The following RPAP1 variants were observed in gnomAD, a reference collection of about 807,000 sequenced individuals.
RPAP1 encodes RNA polymerase II associated protein 1, also known as RNA polymerase II-associated protein 1.
In RPAP1, 109 loss-of-function variants were observed where a neutral mutation model predicts 142.4. The ratio of observed to expected loss-of-function variants is 0.77; its 90% CI spans 0.66 to 0.90. The LOEUF is 0.90. Among genes scored for constraint, RPAP1 ranks in the 40% least tolerant of loss-of-function variants. The pLI is 0.00. For missense variants in RPAP1, 1,546 were observed against 1,751.7 expected, an observed-to-expected ratio of 0.88 and a Z score of 2.10; for synonymous variants, 704 against 738.9, an observed-to-expected ratio of 0.95 and a Z score of 0.77.
At chr15:41,524,864 A>C (rs2051773135) in intron 15 of RPAP1, 127 bp downstream of exon 15, 1 of 944,124 alleles carries the variant, frequency 1.1e-6, no homozygotes, top group African/African-American at 1.7e-5. Context: ...CATCTGGCAG[A>C]AGCCCTCCCA....
At chr15:41,529,265 G>T (rs776692553) in intron 9 of RPAP1, among the ~76,000 whole-genome samples, 2 of 152,184 alleles carry the variant, frequency 1.3e-5, no homozygotes, top group Admixed American at 6.5e-5. Context: ...AACCCAGGAG[G>T]TGGAGGCTGC....
chr15:41,521,897 AG>A lies in RPAP1; in HGVS notation c.2896-18del. The A allele has an allele frequency of 6.2e-7, 1 of 1,613,172 alleles. No individual in the cohort carries two copies. The highest frequency in any genetic ancestry group is 8.5e-7 in the Non-Finnish European group (1 of 1,179,516). On this transcript the variant is annotated intron_variant, in intron 20 of 24. Transcript: ENST00000304330. Reference sequence around the variant, plus strand: ...CAGCGCTGCCTGCAGACAGAAAAGCAGGGAACTACCTAGTACAGGAGAAGGG... The same window carrying A: ...CAGCGCTGCCTGCAGACAGAAAAGCAGGAACTACCTAGTACAGGAGAAGGG...
At chr15:41,534,682 C>T in intron 6 of RPAP1, 32 bp downstream of exon 6, 1 of 1,563,238 alleles carries the variant, frequency 6.4e-7, no homozygotes, top group Non-Finnish European at 8.8e-7. Context: ...CTCTCCTAGC[C>T]TGGTCTCAGC....
At position 41,520,695 on chromosome 15, in the gene RPAP1, A is replaced by G; in HGVS notation, c.3491T>C (p.Leu1164Pro). ...CTCCCGGAACAGCTCACTGTCCACC[A>G]GGAACACACACATGAGCCGTGCCAG... ...ARLARLMCVF[L>P]VDSELFRESP... is the part of the protein sequence containing the mutation. Residue 1164 changes from leucine to proline, a missense_variant, in exon 22 of 25, where the codon CTG becomes CCG. By Grantham distance (98) the Leu-to-Pro change is moderately conservative. This residue lies in a region of RPAP1 where 1,333 missense variants were observed against 1,486.6 expected (regional missense o/e 0.90). Transcript: ENST00000304330. The G allele has an allele frequency of 6.2e-7, 1 of 1,614,146 alleles. No individual in the cohort carries two copies. The highest frequency in any genetic ancestry group is 8.5e-7 in the Non-Finnish European group (1 of 1,180,042).
At chr15:41,540,043 T>A (rs1054225974) in intron 1 of RPAP1, among the ~76,000 whole-genome samples, 10 of 151,744 alleles carry the variant, frequency 6.6e-5, no homozygotes, top group African/African-American at 2.4e-4. Flanking sequence ...AAAAAAATAA[T>A]AATAATAAAA....
intron 10 of RPAP1, 74 bp downstream of exon 10, chr15:41,528,161 G>C: frequency 6.6e-7 from 1 of 1,508,922 alleles, no homozygotes; most frequent in Non-Finnish European, 9.1e-7. Context: ...GAGTGAAAAG[G>C]GCAGGAGATG....
chr15:41,532,214 G>A (rs28477443), intron 6 of RPAP1, among the ~76,000 whole-genome samples: 46,658 of 151,882 alleles, frequency 0.31, 7,774 homozygotes, highest in Admixed American at 0.39. Flanking sequence ...TAGAGACAGG[G>A]TTTCACCGTG....
intron 18 of RPAP1, 103 bp from the exon 19 acceptor site, chr15:41,523,063 T>C: frequency 9.5e-7 from 1 of 1,048,258 alleles, no homozygotes; most frequent in Non-Finnish European, 1.3e-6. Flanking sequence ...GGCCTGGCTG[T>C]GGAGGTCAGT....
Position 41,527,466 on chromosome 15 carries a change from T to G in RPAP1, c.1568A>C (p.Glu523Ala), listed in dbSNP as rs745455889. 4 of 1,613,170 alleles carry G rather than the reference T, an allele frequency of 2.5e-6. No individual in the cohort carries two copies. Among genetic ancestry groups the G allele is most frequent in the African/African-American group, 2.7e-5 (2 of 74,938 alleles). The change falls in exon 12 of 25, where the codon GAA becomes GCA. Residue 523 changes from glutamate (E) to alanine (A), a missense_variant. Glu to Ala is a moderately radical substitution (Grantham distance 107, BLOSUM62 -1). This residue lies in a region of RPAP1 where 1,333 missense variants were observed against 1,486.6 expected (regional missense o/e 0.90). Transcript: ENST00000304330. ...GGCCAGGTCAGGTGGAGGCCGGCTT[T>G]CTTCTTCAGGGCTTTTCCTTTTTGC... The part of the protein sequence containing the change: ...GKAKRKSPEE[E>A]SRPPPDLARH...
Position 41,524,266 on chromosome 15 carries a change from C to G in RPAP1, c.2076-12G>C, listed in dbSNP as rs746572819. ...CTGGGTAGAGCTCCCTAGGGAAGAACAGGGACTGATTTTCACTGTATGAAA... is the reference window on the plus strand; with the variant it reads ...CTGGGTAGAGCTCCCTAGGGAAGAAGAGGGACTGATTTTCACTGTATGAAA... On this transcript the variant is annotated splice_polypyrimidine_tract_variant and intron_variant, in intron 15 of 24. Coordinates refer to ENST00000304330, the MANE Select transcript of RPAP1 (RefSeq NM_015540.4). 1 of 1,512,664 alleles carries G rather than the reference C, an allele frequency of 6.6e-7. No individual in the cohort carries two copies. The highest frequency in any genetic ancestry group is 8.8e-7 in the Non-Finnish European group (1 of 1,130,546). The allele number at this position is 1,512,664 out of a possible 1,614,324, so 93.7% of individuals were successfully genotyped here.
In RPAP1 at chr15:41,536,670, A is replaced by C. The variant is rs866875400; in HGVS notation, c.182-21T>G. ...GAGATCTGAGAAAGAAAAGATCCCA[A>C]ACGTGAGTATATGCACACCTTCCTA... is the stretch of plus-strand genomic sequence containing the variant. On this transcript the variant is annotated intron_variant, in intron 2 of 24. Coordinates refer to ENST00000304330, the MANE Select transcript of RPAP1 (RefSeq NM_015540.4). 6.2e-6 allele frequency: 10 copies of C among 1,611,620 alleles called. No individual in the cohort carries two copies. The African/African-American group carries it at 9.3e-5, about 15-fold the overall frequency.
intron 1 of RPAP1, 52 bp from the exon 2 acceptor site, chr15:41,537,253 T>C (rs1309931870): frequency 2.3e-6 from 2 of 888,240 alleles, no homozygotes; most frequent in African/African-American, 3.4e-5. Flanking sequence ...TGATTCTCTT[T>C]ATTGGGCAAC....
chr15:41,527,973 A>G lies in RPAP1; in HGVS notation c.1315T>C (p.Leu439=), dbSNP rs762806797. 5.0e-6 allele frequency: 8 copies of G among 1,613,978 alleles called. No homozygotes were observed. The East Asian group carries it at 1.8e-4, about 36-fold the overall frequency. ...RLAGSVLSLL[L]DAGFLFLLRF... Reference sequence around the variant, plus strand: ...AGTAGGAAGAGGAAACCAGCATCCAAAAGGAGGCTTAAGACACTGCCTGCT... The same window carrying G: ...AGTAGGAAGAGGAAACCAGCATCCAGAAGGAGGCTTAAGACACTGCCTGCT... The change falls in exon 11 of 25, where the codon TTG becomes CTG. Residue 439 remains leucine (L), a synonymous_variant. Transcript: ENST00000304330.
chr15:41,517,511 C>T lies in RPAP1; in HGVS notation c.*31G>A, dbSNP rs377483256. 2.9e-5 allele frequency: 44 copies of T among 1,514,878 alleles called. No individual in the cohort carries two copies. The highest frequency in any genetic ancestry group is 2.4e-4 in the African/African-American group (17 of 71,854). The allele number at this position is 1,514,878 out of a possible 1,614,324, so 93.8% of individuals were successfully genotyped here. ...TGTTGAAAGGCTGGATACAGGACAA[C>T]GTACCCATCTTTCCATCTATATCAA... On this transcript the variant is annotated 3_prime_UTR_variant, in exon 25 of 25. Coordinates refer to ENST00000304330, the MANE Select transcript of RPAP1 (RefSeq NM_015540.4).
At position 41,527,263 on chromosome 15, in the gene RPAP1, G is replaced by A. The variant is rs1171865109; in HGVS notation, c.1650C>T (p.Tyr550=). 8 of 1,614,094 alleles carry A rather than the reference G, an allele frequency of 5.0e-6. No homozygotes were observed. Among genetic ancestry groups the A allele is most frequent in the African/African-American group, 1.3e-5 (1 of 74,932 alleles). The change falls in exon 13 of 25, where the codon TAC becomes TAT. Residue 550 remains tyrosine, a synonymous_variant. Coordinates refer to ENST00000304330, the MANE Select transcript of RPAP1 (RefSeq NM_015540.4). ...LATSLLPRLR[Y]VLEVTYPGPA... ...GTCCTGGGTATGTCACCTCCAGCAC[G>A]TAGCGCAGCCGAGGCAGCAGGCTGG...
chr15:41,529,810 C>A, intron 8 of RPAP1, 54 bp downstream of exon 8: 1 of 1,287,432 alleles, frequency 7.8e-7, no homozygotes, highest in Non-Finnish European at 1.1e-6. Flanking sequence ...AGAGCAGCAG[C>A]TCCTCTCCTG....
At position 41,523,349 on chromosome 15, in the gene RPAP1, G is replaced by A. The variant is rs745549410; in HGVS notation, c.2442C>T (p.Ser814=). The change falls in exon 18 of 25, where the codon AGC becomes AGT. Residue 814 remains serine, a synonymous_variant. Coordinates refer to ENST00000304330, the MANE Select transcript of RPAP1 (RefSeq NM_015540.4). The part of the protein sequence containing the change: ...AYYQAWSQQP[S]SCPEDWLQDM... ...CCTGGAGCCAATCCTCCGGGCATGA[G>A]CTTGGCTGGTGGACCAAGGAATTCA... The A allele has an allele frequency of 4.3e-5, 69 of 1,594,398 alleles. No individual in the cohort carries two copies. The highest frequency in any genetic ancestry group is 5.8e-5 in the Non-Finnish European group (68 of 1,169,086).
chr15:41,533,722 C>T (rs2051878510), intron 6 of RPAP1, among the ~76,000 whole-genome samples: 1 of 151,200 alleles, frequency 6.6e-6, no homozygotes, highest in Non-Finnish European at 1.5e-5. Context: ...CCTGTAATCC[C>T]AGCTACTTTG....
chr15:41,518,943 G>A (rs1446387568), intron 22 of RPAP1, among the ~76,000 whole-genome samples: 1 of 152,194 alleles, frequency 6.6e-6, no homozygotes, highest in Non-Finnish European at 1.5e-5. Flanking sequence ...AGTCTGGAAT[G>A]CAGTGGTGTG....
Sources: allele counts gnomAD v4.1 joint callset (sites outside exome capture counted in the v4.1 genomes callset), GRCh38; gene constraint gnomAD v4.1.1; regional missense constraint gnomAD v4.1.1; transcripts MANE v1.5; gene names NCBI Gene and HGNC (gene_info 2026-07-23, HGNC 2026-07-21).